DOCK1: variants seen among roughly 807,000 people sequenced by gnomAD.
DOCK1 encodes the protein dedicator of cytokinesis protein 1.
In DOCK1, 138 loss-of-function variants were observed where a neutral mutation model predicts 262.7. That is an observed-to-expected ratio of 0.53 (90% CI 0.46 to 0.61). The LOEUF (loss-of-function observed/expected upper bound fraction) is 0.61, where lower values mean the gene tolerates loss of function less well. Ranked by LOEUF, DOCK1 falls within the 20% of genes least tolerant of loss-of-function variation. The pLI, the probability that DOCK1 is intolerant of heterozygous loss-of-function variation, is 0.00. For missense variants in DOCK1, 1,908 were observed against 2,370.7 expected (o/e 0.80, Z 4.05); for synonymous variants, 866 against 867.4 (o/e 1.00, Z 0.03).
chr10:126,966,995 C>T (rs2037725452), intron 1 of DOCK1, among the ~76,000 whole-genome samples: 2 of 152,206 alleles, frequency 1.3e-5, no homozygotes, highest in African/African-American at 2.4e-5. Context: ...ATGGACTCGA[C>T]CAGGGAGAAT....
intron 19 of DOCK1, among the ~76,000 whole-genome samples, chr10:127,041,714 C>T (rs545922743): frequency 6.6e-6 from 1 of 152,276 alleles, no homozygotes; most frequent in African/African-American, 2.4e-5. Context: ...GCGTTCTTGC[C>T]CACTTCTTAT....
Position 127,257,543 on chromosome 10 carries a change from C to G in DOCK1, c.3044+114C>G, listed in dbSNP as rs11016981. On this transcript the variant is annotated intron_variant, in intron 29 of 51. Transcript: ENST00000623213. Reference sequence around the variant, plus strand: ...GCTTCAATAAAATGCTCTGCAAACGCTGTTCCTAATTCTGTGCTGCAGACA... The same window carrying G: ...GCTTCAATAAAATGCTCTGCAAACGGTGTTCCTAATTCTGTGCTGCAGACA... 7,063 of 929,392 alleles carry G rather than the reference C, an allele frequency of 7.6e-3. 253 individuals carry two copies. In the East Asian group the frequency reaches 0.097, roughly 13 times the overall value. 57.6% of individuals were successfully genotyped at this position (929,392 alleles called of 1,614,324 possible).
intron 29 of DOCK1, among the ~76,000 whole-genome samples, chr10:127,279,214 T>G (rs1404425527): frequency 1.3e-5 from 2 of 152,222 alleles, no homozygotes; most frequent in East Asian, 3.9e-4. Context: ...TTCTCACAAA[T>G]TATTATTAAA....
At chr10:126,926,845 A>T (rs549591121) in intron 1 of DOCK1, among the ~76,000 whole-genome samples, 79 of 152,332 alleles carry the variant, frequency 5.2e-4, no homozygotes, top group East Asian at 7.7e-4. Context: ...TGGAGGGAGC[A>T]TGGCCCTGTA....
At chr10:127,443,897 A>C (rs1451239711) in intron 49 of DOCK1, among the ~76,000 whole-genome samples, 2 of 152,030 alleles carry the variant, frequency 1.3e-5, no homozygotes, top group African/African-American at 4.8e-5. Flanking sequence ...GGTTTTCCAG[A>C]GTTTCCTCCC....
At chr10:127,153,872 G>A (rs2052758542) in intron 27 of DOCK1, 1 of 1,612,340 alleles carries the variant, frequency 6.2e-7, no homozygotes, top group South Asian at 1.1e-5. Flanking sequence ...TACATGCACT[G>A]TTCCTGCATG....
rs570172595 is a variant in DOCK1, at chr10:127,417,304, T to G, written c.4516-1061T>G. 4.6e-5 allele frequency among the ~76,000 whole-genome samples: 7 copies of G among 152,298 alleles called. No individual in the cohort carries two copies. In the South Asian group the frequency reaches 8.3e-4, roughly 18 times the overall value. On this transcript the variant is annotated intron_variant, in intron 44 of 51. Coordinates refer to ENST00000623213, the MANE Select transcript of DOCK1 (RefSeq NM_001290223.2). ...CCTCAGGGCAGCTGTGGTCCCTGCCTTAGACCCAGCCACGTTGCCCTGGCA... is the reference window on the plus strand; with the variant it reads ...CCTCAGGGCAGCTGTGGTCCCTGCCGTAGACCCAGCCACGTTGCCCTGGCA...
chr10:127,177,162 A>C (rs1283661834), intron 27 of DOCK1: 1 of 152,152 alleles, frequency 6.6e-6, no homozygotes, highest in African/African-American at 2.4e-5. Context: ...AATAAAAGAA[A>C]TTACTCATTC....
chr10:127,396,759 A>G (rs553124232), intron 38 of DOCK1, among the ~76,000 whole-genome samples: 1 of 148,236 alleles, frequency 6.7e-6, no homozygotes, highest in Admixed American at 6.6e-5. Flanking sequence ...TGTTACAAAA[A>G]AAAAAAAAAA....
intron 27 of DOCK1, among the ~76,000 whole-genome samples, chr10:127,205,599 C>T (rs2057681839): frequency 1.3e-5 from 2 of 152,224 alleles, no homozygotes; most frequent in African/African-American, 4.8e-5. Flanking sequence ...GTTCCTCTTC[C>T]ATACGTTAGG....
At chr10:126,964,087 T>G (rs2037481986) in intron 1 of DOCK1, among the ~76,000 whole-genome samples, 1 of 152,192 alleles carries the variant, frequency 6.6e-6, no homozygotes, top group Non-Finnish European at 1.5e-5. Flanking sequence ...GTGGGTAATG[T>G]TGGGTACTGA....
chr10:127,325,059 G>T (rs907178530), intron 29 of DOCK1, among the ~76,000 whole-genome samples: 1 of 152,068 alleles, frequency 6.6e-6, no homozygotes, highest in African/African-American at 2.4e-5. Context: ...AAACATTTTA[G>T]CTCATCCACA....
intron 29 of DOCK1, among the ~76,000 whole-genome samples, chr10:127,304,831 A>G (rs183910693): frequency 1.3e-4 from 20 of 152,312 alleles, no homozygotes; most frequent in Admixed American, 1.3e-3. Flanking sequence ...GCAGAGAGCC[A>G]TGATCATACC....
At chr10:127,235,527 A>T (rs1398358616) in intron 27 of DOCK1, among the ~76,000 whole-genome samples, 1 of 152,176 alleles carries the variant, frequency 6.6e-6, no homozygotes, top group African/African-American at 2.4e-5. Context: ...TTGTTTATTT[A>T]GTAGGTAGTA....
chr10:126,933,407 C>T (rs1228862610), intron 1 of DOCK1, among the ~76,000 whole-genome samples: 9 of 152,128 alleles, frequency 5.9e-5, no homozygotes, highest in Admixed American at 4.6e-4. Flanking sequence ...AAGAAGCCAG[C>T]CTGGGCCCTT....
At chr10:126,942,876 T>G (rs1276644168) in intron 1 of DOCK1, among the ~76,000 whole-genome samples, 1 of 152,196 alleles carries the variant, frequency 6.6e-6, no homozygotes, top group Non-Finnish European at 1.5e-5. Context: ...ATAAATTCTT[T>G]TAGTTTTCCT....
chr10:126,916,922 CCAGCGGTGTT>C (rs2032564802), intron 1 of DOCK1, among the ~76,000 whole-genome samples: 2 of 122,510 alleles, frequency 1.6e-5, no homozygotes, highest in African/African-American at 6.1e-5. Context: ...CTGTGTGAGG[CCAGCGGTGTT>C]TCAGAATTCC....
chr10:127,082,516 A>C (rs1376191550), intron 23 of DOCK1, among the ~76,000 whole-genome samples: 2 of 152,190 alleles, frequency 1.3e-5, no homozygotes, highest in Non-Finnish European at 1.5e-5. Flanking sequence ...CCGTCAGATC[A>C]CATGAGACTT....
At position 127,110,279 on chromosome 10, in the gene DOCK1, C is replaced by T. The variant is rs1187388499; in HGVS notation, c.2548C>T (p.Pro850Ser). The change falls in exon 25 of 52, where the codon CCC (proline) becomes TCC (serine). Residue 850 changes from proline (P) to serine (S), a missense_variant. By Grantham distance (74) the Pro-to-Ser change is moderately conservative. This residue lies in a region of DOCK1 where 518 missense variants were observed against 575.1 expected (regional missense o/e 0.90). Transcript: ENST00000623213. ...GTTTACTGAATTCATCCTCAATGTTCCCATGGGCTTGCTGACCATCCAGAA... is the reference window on the plus strand; with the variant it reads ...GTTTACTGAATTCATCCTCAATGTTTCCATGGGCTTGCTGACCATCCAGAA... ...KMFTEFILNV[P>S]MGLLTIQKLY... The T allele has an allele frequency of 6.2e-7, 1 of 1,613,518 alleles. No individual in the cohort carries two copies. Among genetic ancestry groups the T allele is most frequent in the Non-Finnish European group, 8.5e-7 (1 of 1,179,752 alleles).
Sources: allele counts gnomAD v4.1 joint callset (sites outside exome capture counted in the v4.1 genomes callset), GRCh38; gene constraint gnomAD v4.1.1; regional missense constraint gnomAD v4.1.1; transcripts MANE v1.5; gene names NCBI Gene and HGNC (gene_info 2026-07-23, HGNC 2026-07-21).